BCKDHB: variants seen among roughly 807,000 people sequenced by gnomAD.
BCKDHB encodes the protein branched chain keto acid dehydrogenase E1 subunit beta.
Under a neutral mutation model 48.5 loss-of-function variants are expected in BCKDHB, and 41 were observed. The ratio of observed to expected loss-of-function variants is 0.85; its 90% CI spans 0.66 to 1.10. The LOEUF is 1.10. Ranked by LOEUF, BCKDHB falls within the 50% of genes least tolerant of loss-of-function variation. The probability of loss-of-function intolerance (pLI) is 0.00; values close to 1 mark genes in which losing one functional copy is unlikely to be tolerated. For synonymous variants in BCKDHB, 201 were observed against 174.8 expected, an observed-to-expected ratio of 1.15 and a Z score of -1.18; for missense variants, 496 against 494.2, an observed-to-expected ratio of 1.00 and a Z score of -0.03.
At chr6:80,215,075 A>T (rs1309707665) in intron 8 of BCKDHB, among the ~76,000 whole-genome samples, 1 of 151,476 alleles carries the variant, frequency 6.6e-6, no homozygotes, top group African/African-American at 2.4e-5. Context: ...CCTCTAATAT[A>T]AAAAAAAACT....
In BCKDHB at chr6:80,263,175, C is replaced by T. The variant is rs377448060; in HGVS notation, c.952-9960C>T. Among the ~76,000 whole-genome samples the T allele has an allele frequency of 2.0e-4, 30 of 152,242 alleles. 1 individual carries two copies. In the East Asian group the frequency reaches 4.3e-3, roughly 22 times the overall value. On this transcript the variant is annotated intron_variant, in intron 8 of 9. Transcript: ENST00000320393. ...TGTGCCTCTGTTGTGCCACTGCTCTCCATTGGGCGTGACAGAGCGAGACCT... is the reference window on the plus strand; with the variant it reads ...TGTGCCTCTGTTGTGCCACTGCTCTTCATTGGGCGTGACAGAGCGAGACCT...
chr6:80,350,295 C>G (rs528223464), downstream of BCKDHB, among the ~76,000 whole-genome samples: 11 of 150,908 alleles, frequency 7.3e-5, no homozygotes, highest in South Asian at 2.3e-3. Flanking sequence ...AATGCGAGAA[C>G]AAAGAAGGAA....
intron 3 of BCKDHB, among the ~76,000 whole-genome samples, chr6:80,133,136 G>T (rs1335001842): frequency 1.3e-5 from 2 of 152,210 alleles, no homozygotes; most frequent in Admixed American, 6.5e-5. Flanking sequence ...TCAGCAGGTG[G>T]CAGCCTACCC....
Position 80,195,670 on chromosome 6 carries a change from G to C in BCKDHB, c.743-5264G>C, listed in dbSNP as rs1469017953. Among the ~76,000 whole-genome samples the C allele has an allele frequency of 1.3e-5, 2 of 151,994 alleles. 1 individual carries two copies. Among genetic ancestry groups the C allele is most frequent in the Admixed American group, 1.3e-4 (2 of 15,252 alleles). ...TGTGTTCACACTTTGTTCCAATAAT[G>C]GTCCTAAGATTACAGGTGGAATACT... On this transcript the variant is annotated intron_variant, in intron 6 of 9. Coordinates refer to ENST00000320393, the MANE Select transcript of BCKDHB (RefSeq NM_183050.4).
downstream of BCKDHB, among the ~76,000 whole-genome samples, chr6:80,348,291 G>T (rs1369627201): frequency 6.6e-6 from 1 of 152,044 alleles, no homozygotes; most frequent in Non-Finnish European, 1.5e-5. Context: ...AAAAATTCTT[G>T]GTCAAAATGT....
chr6:80,391,177 A>G, the BCKDHB span, among the ~76,000 whole-genome samples: 125,627 of 149,160 alleles, frequency 0.84, 56,634 homozygotes, highest in Non-Finnish European at 0.99. Flanking sequence ...GCATATATAT[A>G]TGTGTGTGTG....
At chr6:80,282,634 C>T (rs1766393537) in intron 9 of BCKDHB, among the ~76,000 whole-genome samples, 1 of 151,994 alleles carries the variant, frequency 6.6e-6, no homozygotes, top group African/African-American at 2.4e-5. Flanking sequence ...TAAATGAAAA[C>T]TCACCTGTAT....
At chr6:80,330,577 T>A (rs2128008674) in intron 9 of BCKDHB, among the ~76,000 whole-genome samples, 1 of 152,312 alleles carries the variant, frequency 6.6e-6, no homozygotes, top group East Asian at 1.9e-4. Context: ...GATTTAGCTG[T>A]TGATACTCGA....
At chr6:80,173,996 A>G (rs564589991) in intron 6 of BCKDHB, among the ~76,000 whole-genome samples, 20 of 152,232 alleles carry the variant, frequency 1.3e-4, no homozygotes, top group Admixed American at 9.8e-4. Context: ...GGAATCAAAG[A>G]GACAGTTAAA....
At chr6:80,435,910 G>A in the BCKDHB span, among the ~76,000 whole-genome samples, 2 of 152,182 alleles carry the variant, frequency 1.3e-5, no homozygotes, top group African/African-American at 4.8e-5. Context: ...GCGCATGCCT[G>A]TAATCCCAGC....
intron 3 of BCKDHB, among the ~76,000 whole-genome samples, chr6:80,166,369 T>A (rs537674320): frequency 6.6e-6 from 1 of 152,074 alleles, no homozygotes; most frequent in South Asian, 2.1e-4. Context: ...TTAAAAAAAA[T>A]TTCTAGCCAG....
intron 8 of BCKDHB, among the ~76,000 whole-genome samples, chr6:80,241,839 T>G (rs1776402786): frequency 6.6e-6 from 1 of 152,188 alleles, no homozygotes; most frequent in East Asian, 1.9e-4. Flanking sequence ...AAATTTGCCT[T>G]TCTGTAATTG....
chr6:80,122,977 G>T, intron 1 of BCKDHB, among the ~76,000 whole-genome samples: 1 of 19,098 alleles, frequency 5.2e-5, no homozygotes, highest in East Asian at 2.8e-3. Context: ...CCTCCCCCCC[G>T]GCCCCCCCAG....
At chr6:80,279,795 T>C (rs1309135069) in intron 9 of BCKDHB, among the ~76,000 whole-genome samples, 2 of 152,136 alleles carry the variant, frequency 1.3e-5, no homozygotes, top group East Asian at 3.9e-4. Flanking sequence ...AGAATTGGTG[T>C]CCTTGTTTTA....
chr6:80,459,296 G>A, the BCKDHB span, among the ~76,000 whole-genome samples: 1 of 152,142 alleles, frequency 6.6e-6, no homozygotes, highest in African/African-American at 2.4e-5. Context: ...ATACCATTCA[G>A]CCTTTAACAA....
intron 9 of BCKDHB, among the ~76,000 whole-genome samples, chr6:80,343,270 A>G (rs760302447): frequency 2.6e-5 from 4 of 152,224 alleles, no homozygotes; most frequent in Non-Finnish European, 5.9e-5. Context: ...ATACATGTGC[A>G]TTGTATAAAA....
intron 6 of BCKDHB, among the ~76,000 whole-genome samples, chr6:80,195,364 A>G (rs1774084311): frequency 6.6e-6 from 1 of 152,162 alleles, no homozygotes; most frequent in Non-Finnish European, 1.5e-5. Flanking sequence ...TTGTTCATAT[A>G]TTCTTTCTTA....
chr6:80,416,589 T>A, the BCKDHB span, among the ~76,000 whole-genome samples: 1 of 151,992 alleles, frequency 6.6e-6, no homozygotes, highest in East Asian at 1.9e-4. Context: ...TTGTATGGTT[T>A]TGAGTAAATT....
At chr6:80,245,322 C>T (rs1049130541) in intron 8 of BCKDHB, among the ~76,000 whole-genome samples, 8 of 151,506 alleles carry the variant, frequency 5.3e-5, no homozygotes, top group Admixed American at 6.6e-5. Flanking sequence ...GAAGAAAAAA[C>T]GACCTTAGGG....
Sources: allele counts gnomAD v4.1 joint callset (sites outside exome capture counted in the v4.1 genomes callset), GRCh38; gene constraint gnomAD v4.1.1; transcripts MANE v1.5; gene names NCBI Gene and HGNC (gene_info 2026-07-23, HGNC 2026-07-21).